The following MDGA2 variants were observed in gnomAD, a reference collection of about 807,000 sequenced individuals.
MDGA2 encodes the protein MAM domain containing glycosylphosphatidylinositol anchor 2, also known as MAM domain-containing glycosylphosphatidylinositol anchor protein 2.
A neutral mutation model predicts 117.8 loss-of-function variants in MDGA2; 40 were observed. The ratio of observed to expected loss-of-function variants is 0.34; its 90% CI spans 0.26 to 0.44. MDGA2 has a LOEUF of 0.44. Ranked by LOEUF, MDGA2 falls within the 20% of genes least tolerant of loss-of-function variation. The probability of loss-of-function intolerance (pLI) is 1.00; values close to 1 mark genes in which losing one functional copy is unlikely to be tolerated. For missense variants in MDGA2, 1,123 were observed against 1,250.6 expected (o/e 0.90, Z 1.54); for synonymous variants, 452 against 439.0 (o/e 1.03, Z -0.37).
rs7155388 is a variant in MDGA2, at chr14:47,057,624, C to G, written c.1525+3625G>C. On this transcript the variant is annotated intron_variant, in intron 7 of 16. Coordinates refer to ENST00000399232, the MANE Select transcript of MDGA2 (RefSeq NM_001113498.3). ...TCTTCTTTCCTTTTCTTTCCCTCCT[C>G]TCCCCTCCCCTCCCCTCCTTTCCCC... is the stretch of plus-strand genomic sequence containing the variant. Among the ~76,000 whole-genome samples the G allele has an allele frequency of 3.1e-4, 37 of 120,346 alleles. 1 individual carries two copies. The highest frequency in any genetic ancestry group is 1.6e-3 in the South Asian group (5 of 3,106). The allele number at this position is 120,346 out of a possible 152,430, so 79.0% of individuals were successfully genotyped here. A position where few individuals can be genotyped will look rare whatever the true frequency, so the allele number is the denominator to read the frequency against.
At chr14:46,878,780 G>T (rs1882332017) in intron 11 of MDGA2, among the ~76,000 whole-genome samples, 1 of 150,820 alleles carries the variant, frequency 6.6e-6, no homozygotes, top group South Asian at 2.1e-4. Flanking sequence ...TAGTTAATAT[G>T]AAATTCTTAA....
intron 1 of MDGA2, among the ~76,000 whole-genome samples, chr14:47,417,636 C>T (rs996093195): frequency 6.6e-6 from 1 of 152,096 alleles, no homozygotes; most frequent in Non-Finnish European, 1.5e-5. Context: ...TCAGCCTCTA[C>T]CCTTTACCCA....
chr14:46,875,598 A>T (rs918187333), intron 12 of MDGA2, among the ~76,000 whole-genome samples: 6 of 151,692 alleles, frequency 4.0e-5, no homozygotes, highest in Non-Finnish European at 7.4e-5. Flanking sequence ...TGACCTTTTG[A>T]TGCTATCAGT....
intron 2 of MDGA2, 74 bp from the exon 3 acceptor site, chr14:47,218,269 T>A: frequency 7.8e-7 from 1 of 1,290,100 alleles, no homozygotes; most frequent in African/African-American, 1.5e-5. Context: ...AATCACTCAT[T>A]TGAAGAGTTT....
At chr14:47,662,090 G>C (rs1397795367) in intron 1 of MDGA2, among the ~76,000 whole-genome samples, 1 of 152,078 alleles carries the variant, frequency 6.6e-6, no homozygotes, top group African/African-American at 2.4e-5. Flanking sequence ...ATAGAAACAT[G>C]AATGTATCAC....
At chr14:47,363,085 G>C (rs1232817025) in intron 1 of MDGA2, among the ~76,000 whole-genome samples, 1 of 151,898 alleles carries the variant, frequency 6.6e-6, no homozygotes, top group African/African-American at 2.4e-5. Context: ...TAATGTCTCT[G>C]TTTATCATCT....
chr14:47,042,318 T>G (rs397832963), intron 7 of MDGA2, among the ~76,000 whole-genome samples: 4 of 92,132 alleles, frequency 4.3e-5, no homozygotes, highest in Non-Finnish European at 7.2e-5. Flanking sequence ...CTATGTTTTT[T>G]TTTTTTTTTT....
intron 1 of MDGA2, among the ~76,000 whole-genome samples, chr14:47,394,005 T>C (rs1313725330): frequency 6.6e-6 from 1 of 152,170 alleles, no homozygotes; most frequent in Non-Finnish European, 1.5e-5. Context: ...TGTTTAATCA[T>C]GTTCTCCAAA....
At chr14:47,561,072 C>G (rs961239467) in intron 1 of MDGA2, among the ~76,000 whole-genome samples, 13 of 151,540 alleles carry the variant, frequency 8.6e-5, no homozygotes, top group Non-Finnish European at 1.5e-5. Flanking sequence ...CTGTATTGTG[C>G]CACGCTATTT....
rs189319116 is a variant in MDGA2, at chr14:47,090,305, C to G, written c.1195+6549G>C. On this transcript the variant is annotated intron_variant, in intron 6 of 16. Coordinates refer to ENST00000399232, the MANE Select transcript of MDGA2 (RefSeq NM_001113498.3). ...TGCCTCATTGAATACATATTGACTT[C>G]TTCCACAAAGGTTAACTCTATTTCA... Among the ~76,000 whole-genome samples, 328 of 152,098 alleles carry G rather than the reference C, an allele frequency of 2.2e-3. 2 individuals are homozygous for G. Among genetic ancestry groups the G allele is most frequent in the African/African-American group, 7.1e-3 (294 of 41,490 alleles).
chr14:46,979,169 A>C (rs1429848976), intron 8 of MDGA2, among the ~76,000 whole-genome samples: 1 of 151,630 alleles, frequency 6.6e-6, no homozygotes, highest in African/African-American at 2.4e-5. Flanking sequence ...TTTTTCAGTG[A>C]TCTTACTATT....
intron 1 of MDGA2, among the ~76,000 whole-genome samples, chr14:47,595,798 C>T (rs1334173063): frequency 2.6e-5 from 4 of 152,126 alleles, no homozygotes; most frequent in Non-Finnish European, 5.9e-5. Flanking sequence ...GTGATCTCTG[C>T]CCCATAACTC....
chr14:47,521,343 G>A (rs956543033), intron 1 of MDGA2, among the ~76,000 whole-genome samples: 14 of 152,272 alleles, frequency 9.2e-5, no homozygotes, highest in Admixed American at 9.2e-4. Context: ...ATTAAGAGCA[G>A]TTTTAACAAG....
At chr14:46,966,963 T>C (rs1049163861) in intron 8 of MDGA2, among the ~76,000 whole-genome samples, 2 of 150,996 alleles carry the variant, frequency 1.3e-5, no homozygotes, top group African/African-American at 4.9e-5. Flanking sequence ...TTTGACAGCA[T>C]GAATAAAATT....
intron 1 of MDGA2, among the ~76,000 whole-genome samples, chr14:47,503,411 C>A (rs1427352296): frequency 1.3e-5 from 2 of 149,944 alleles, no homozygotes; most frequent in Non-Finnish European, 3.0e-5. Context: ...ACTACATTAT[C>A]CTCTACTACC....
intron 2 of MDGA2, among the ~76,000 whole-genome samples, chr14:47,276,852 G>C (rs374928699): frequency 4.6e-5 from 7 of 152,242 alleles, no homozygotes; most frequent in African/African-American, 9.6e-5. Context: ...TCTGACTAGA[G>C]TCTAAGCTCC....
intron 2 of MDGA2, among the ~76,000 whole-genome samples, chr14:47,272,752 A>G (rs1888187324): frequency 1.3e-5 from 2 of 152,204 alleles, no homozygotes. Flanking sequence ...ACCTCATTCC[A>G]TAGCTATTTT....
chr14:47,442,888 T>C (rs1893042618), intron 1 of MDGA2, among the ~76,000 whole-genome samples: 1 of 152,150 alleles, frequency 6.6e-6, no homozygotes, highest in Non-Finnish European at 1.5e-5. Context: ...TGCACTGGAA[T>C]ATGAATCATC....
intron 8 of MDGA2, among the ~76,000 whole-genome samples, chr14:46,961,280 C>A (rs1885797579): frequency 1.3e-5 from 2 of 152,146 alleles, no homozygotes; most frequent in African/African-American, 4.8e-5. Context: ...GGAAAATTCT[C>A]ATCATTAGCT....
Sources: allele counts gnomAD v4.1 joint callset (sites outside exome capture counted in the v4.1 genomes callset), GRCh38; gene constraint gnomAD v4.1.1; transcripts MANE v1.5; gene names NCBI Gene and HGNC (gene_info 2026-07-23, HGNC 2026-07-21).